Variants in GRIN2D observed in about 807,000 individuals in gnomAD.
GRIN2D encodes the protein glutamate receptor ionotropic, NMDA 2D.
Under a neutral mutation model 103.2 loss-of-function variants are expected in GRIN2D, and 37 were observed. The ratio of observed to expected loss-of-function variants is 0.36; its 90% confidence interval spans 0.28 to 0.47. GRIN2D has a LOEUF of 0.47. Ranked by LOEUF, GRIN2D falls within the 20% of genes least tolerant of loss-of-function variation. The pLI is 1.00. For missense variants in GRIN2D, 1,557 were observed against 1,910.6 expected (o/e 0.81, Z 3.45); for synonymous variants, 845 against 885.6 (o/e 0.95, Z 0.81).
intron 4 of GRIN2D, among the ~76,000 whole-genome samples, chr19:48,409,888 G>A (rs1037075852): frequency 1.3e-5 from 2 of 151,748 alleles, no homozygotes; most frequent in African/African-American, 4.8e-5. Context: ...GGGTTTAAGT[G>A]ATTGTCCTGC....
Position 48,443,225 on chromosome 19 carries a change from C to G in GRIN2D, c.3299C>G (p.Pro1100Arg). 2 of 1,347,074 alleles carry G rather than the reference C, an allele frequency of 1.5e-6. No individual in the cohort carries two copies. The highest frequency in any genetic ancestry group is 1.5e-5 in the African/African-American group (1 of 65,326). 83.4% of individuals were successfully genotyped at this position (1,347,074 alleles called of 1,614,324 possible). A position where few individuals can be genotyped will look rare whatever the true frequency, so the allele number is the denominator to read the frequency against. Residue 1100 changes from proline (P) to arginine (R), a missense_variant, in exon 14 of 14, where the codon CCG becomes CGG. This residue lies in a region of GRIN2D where 632 missense variants were observed against 572.8 expected (regional missense o/e 1.10). Coordinates refer to ENST00000263269, the MANE Select transcript of GRIN2D (RefSeq NM_000836.4). The surrounding 1 kb of genome is among the most constrained non-coding windows in gnomAD (Gnocchi z 8.9). ...PAAPPPCRAA[P>R]PPCPYLDLEP... ...GCTCCGCCCCCGTGCCGCGCCGCGC[C>G]GCCCCCGTGCCCTTACCTCGATCTC...
chr19:48,441,993 G>A, intron 12 of GRIN2D, 37 bp downstream of exon 12: 1 of 1,570,416 alleles, frequency 6.4e-7, no homozygotes, highest in Non-Finnish European at 8.7e-7. Flanking sequence ...AGCGGAGAGG[G>A]GGAGGGCGAG....
chr19:48,408,320 T>G (rs1970815807), intron 4 of GRIN2D, among the ~76,000 whole-genome samples: 1 of 122,992 alleles, frequency 8.1e-6, no homozygotes, highest in East Asian at 2.4e-4. Context: ...GGTGACAGAG[T>G]GAGACTCCAT....
chr19:48,423,547 G>A (rs1054171347), intron 11 of GRIN2D, among the ~76,000 whole-genome samples: 6 of 152,124 alleles, frequency 3.9e-5, no homozygotes, highest in Admixed American at 3.9e-4. Flanking sequence ...CCCTGCAGGA[G>A]GTGAAAGAGC....
Position 48,395,493 on chromosome 19 carries a change from TTG to T in GRIN2D, c.-27+569_-27+570del, listed in dbSNP as rs755262217. Among the ~76,000 whole-genome samples the T allele has an allele frequency of 4.0e-5, 6 of 151,208 alleles. No homozygotes were observed. In the South Asian group the frequency reaches 6.3e-4, roughly 16 times the overall value. On this transcript the variant is annotated intron_variant, in intron 2 of 13. Coordinates refer to ENST00000263269, the MANE Select transcript of GRIN2D (RefSeq NM_000836.4). Reference sequence around the variant, plus strand: ...GGATTCGGGTGGGGAGAGACCGATGTTGTGTGTGTGTGTTGGGAGGTGAGGGG... The same window carrying T: ...GGATTCGGGTGGGGAGAGACCGATGTTGTGTGTGTGTTGGGAGGTGAGGGG...
Position 48,394,270 on chromosome 19 carries a change from G to C in GRIN2D, c.-305-388G>C, listed in dbSNP as rs896929090. Among the ~76,000 whole-genome samples the C allele has an allele frequency of 6.6e-6, 1 of 151,862 alleles. No homozygotes were observed. The highest frequency in any genetic ancestry group is 1.5e-5 in the Non-Finnish European group (1 of 67,970). Reference sequence around the variant, plus strand: ...GGGAAGTGAGATCGTGCGTGTGTGCGTGAGTGTATGTGTGTTTCTGCCTGT... The same window carrying C: ...GGGAAGTGAGATCGTGCGTGTGTGCCTGAGTGTATGTGTGTTTCTGCCTGT... On this transcript the variant is annotated intron_variant, in intron 1 of 13. Transcript: ENST00000263269. The surrounding 1 kb of genome is among the most constrained non-coding windows in gnomAD (Gnocchi z 5.1).
intron 11 of GRIN2D, among the ~76,000 whole-genome samples, chr19:48,426,162 T>C (rs1971082212): frequency 6.6e-6 from 1 of 152,100 alleles, no homozygotes; most frequent in Non-Finnish European, 1.5e-5. Flanking sequence ...TGCCAGTGTT[T>C]GGCCATTATG....
chr19:48,417,650 C>G (rs1569065115), intron 8 of GRIN2D, among the ~76,000 whole-genome samples: 1 of 152,150 alleles, frequency 6.6e-6, no homozygotes, highest in South Asian at 2.1e-4. Context: ...AGAAGCACCA[C>G]GTGGGGCCCC....
intron 12 of GRIN2D, 44 bp downstream of exon 12, chr19:48,442,000 C>A: frequency 1.3e-6 from 2 of 1,558,694 alleles, no homozygotes; most frequent in South Asian, 1.1e-5. Flanking sequence ...AGGGGGAGGG[C>A]GAGGCCCCTG....
intron 11 of GRIN2D, among the ~76,000 whole-genome samples, chr19:48,423,462 A>G (rs1370803394): frequency 6.6e-6 from 1 of 152,104 alleles, no homozygotes; most frequent in Non-Finnish European, 1.5e-5. Flanking sequence ...GGTGAGCTAG[A>G]GGGCGGCAGG....
intron 3 of GRIN2D, among the ~76,000 whole-genome samples, chr19:48,404,501 A>G (rs1970757628): frequency 1.3e-5 from 2 of 152,154 alleles, no homozygotes; most frequent in Non-Finnish European, 2.9e-5. Flanking sequence ...TCAAAAAAAC[A>G]AAAAACAAAA....
intron 11 of GRIN2D, among the ~76,000 whole-genome samples, chr19:48,437,784 A>T (rs1017544719): frequency 1.3e-5 from 2 of 152,196 alleles, no homozygotes; most frequent in Admixed American, 6.5e-5. Flanking sequence ...AACAAAGAGA[A>T]ACGTAGGGAA....
chr19:48,425,220 T>C (rs111676756), intron 11 of GRIN2D, among the ~76,000 whole-genome samples: 2,705 of 133,844 alleles, frequency 0.02, 84 homozygotes, highest in African/African-American at 0.069. Context: ...ATTCAGAGAC[T>C]CTCAGTGGGC....
intron 11 of GRIN2D, among the ~76,000 whole-genome samples, chr19:48,427,136 A>G (rs1382979503): frequency 6.6e-6 from 1 of 151,930 alleles, no homozygotes; most frequent in Non-Finnish European, 1.5e-5. Context: ...CCTGGCCAAC[A>G]TGGCGAAACC....
chr19:48,413,693 G>A (rs555179103), intron 4 of GRIN2D, among the ~76,000 whole-genome samples: 127 of 150,868 alleles, frequency 8.4e-4, no homozygotes, highest in African/African-American at 2.9e-3. Context: ...GACCAGCCTG[G>A]GAAAAATAGT....
chr19:48,442,195 A>G lies in GRIN2D; in HGVS notation c.2486A>G (p.His829Arg). The G allele has an allele frequency of 6.2e-7, 1 of 1,614,188 alleles. No individual in the cohort carries two copies. Among genetic ancestry groups the G allele is most frequent in the Non-Finnish European group, 8.5e-7 (1 of 1,180,022 alleles). ...LERLWLSGIC[H>R]NDKIEVMSSK... ...CGGCTGTGGCTCTCTGGGATCTGCCACAATGACAAAATCGAGGTGATGAGC... is the reference window on the plus strand; with the variant it reads ...CGGCTGTGGCTCTCTGGGATCTGCCGCAATGACAAAATCGAGGTGATGAGC... The change falls in exon 13 of 14, where the codon CAC becomes CGC. Residue 829 changes from histidine to arginine, a missense_variant. Around this residue, in one of 7 missense-constraint regions of GRIN2D, gnomAD observed 138 missense variants for 270.2 expected, o/e 0.51. Transcript: ENST00000263269. This position sits in a 1 kb window ranked among gnomAD's most constrained non-coding sequence, Gnocchi z 7.2.
intron 4 of GRIN2D, among the ~76,000 whole-genome samples, chr19:48,408,509 TA>T (rs1483462436): frequency 6.6e-6 from 1 of 151,058 alleles, no homozygotes; most frequent in African/African-American, 2.4e-5. Flanking sequence ...TAAAATAATT[TA>T]AAAAATTAAA....
chr19:48,435,265 G>GTCTCT (rs1600992736), intron 11 of GRIN2D, among the ~76,000 whole-genome samples: 1 of 144,014 alleles, frequency 6.9e-6, no homozygotes, highest in Non-Finnish European at 1.5e-5. Flanking sequence ...TCTTCACCTT[G>GTCTCT]TCTACCCTTT....
Position 48,412,084 on chromosome 19 carries a change from T to C in GRIN2D, c.1086-1907T>C, listed in dbSNP as rs1264223762. 5.9e-5 allele frequency among the ~76,000 whole-genome samples: 9 copies of C among 151,590 alleles called. 1 individual carries two copies. The highest frequency in any genetic ancestry group is 5.9e-4 in the Admixed American group (9 of 15,202). On this transcript the variant is annotated intron_variant, in intron 4 of 13. Coordinates refer to ENST00000263269, the MANE Select transcript of GRIN2D (RefSeq NM_000836.4). Reference sequence around the variant, plus strand: ...GCTCATGCCTGTAATCCCAGCACTTTGGAAGGCCGAGGCAGGCGGATCACA... The same window carrying C: ...GCTCATGCCTGTAATCCCAGCACTTCGGAAGGCCGAGGCAGGCGGATCACA...
Sources: gnomAD v4.1 joint callset for allele counts (sites outside exome capture counted in the v4.1 genomes callset) on GRCh38, gnomAD v4.1.1 for gene constraint, gnomAD v4.1.1 regional missense constraint, Gnocchi (gnomAD v3.1) non-coding constraint, MANE v1.5 for transcripts, NCBI Gene and HGNC (gene_info 2026-07-23, HGNC 2026-07-21) for gene names.